The following CHRNA5 variants were observed in gnomAD, a reference collection of about 807,000 sequenced individuals.
The protein encoded by CHRNA5 is neuronal acetylcholine receptor subunit alpha-5.
Under a neutral mutation model 41.2 loss-of-function variants are expected in CHRNA5, and 28 were observed. That is an observed-to-expected ratio of 0.68 (90% CI 0.50 to 0.93). The LOEUF (loss-of-function observed/expected upper bound fraction) is 0.93. CHRNA5 is among the 40% of genes least tolerant of loss of function. The pLI is 0.00. For synonymous variants in CHRNA5, 188 were observed against 205.8 expected (o/e 0.91, Z 0.74); for missense variants, 481 against 581.9 (o/e 0.83, Z 1.78).
chr15:78,572,820 G>C (rs560195965), intron 1 of CHRNA5, among the ~76,000 whole-genome samples: 1 of 152,276 alleles, frequency 6.6e-6, no homozygotes, highest in East Asian at 1.9e-4. Context: ...GCAGAACTTA[G>C]AGGAAAACAT....
intron 5 of CHRNA5, 166 bp from the exon 6 acceptor site, chr15:78,592,926 T>C: frequency 1.5e-6 from 1 of 647,976 alleles, no homozygotes; most frequent in Non-Finnish European, 2.5e-6. Flanking sequence ...ATAGTAGACC[T>C]TCAGGCTAGT....
exon 5 of CHRNA5, chr15:78,589,830 A>G (rs1371109938): frequency 6.3e-7 from 1 of 1,597,664 alleles, no homozygotes; most frequent in African/African-American, 1.3e-5. Flanking sequence ...TGAAGGGACC[A>G]GTACGAAAAC....
chr15:78,581,593 A>G (rs902886046), intron 2 of CHRNA5, among the ~76,000 whole-genome samples: 4 of 152,290 alleles, frequency 2.6e-5, no homozygotes, highest in Middle Eastern at 6.8e-3. Context: ...ATATTTATAT[A>G]TATGTATGTT....
chr15:78,590,592 C>T lies in CHRNA5; in HGVS notation c.1201C>T (p.Arg401Cys), dbSNP rs76766434. Residue 401 changes from arginine to cysteine, a missense_variant, in exon 5 of 6, where the codon CGC becomes TGC. Coordinates refer to ENST00000299565, the Ensembl canonical transcript of CHRNA5. ...ATTGGAAGCTGCGCTCGATTCTATT[C>T]GCTACATTACAAGACACATCATGAA... 132 of 1,614,048 alleles carry T rather than the reference C, an allele frequency of 8.2e-5. No homozygotes were observed. In the African/African-American group the frequency reaches 1.3e-3, roughly 16 times the overall value.
chr15:78,581,971 T>G (rs1425186927), intron 2 of CHRNA5, among the ~76,000 whole-genome samples: 4 of 152,212 alleles, frequency 2.6e-5, no homozygotes, highest in Admixed American at 2.6e-4. Context: ...CAATTTTTCT[T>G]ATTATAATTA....
rs71148540 is a variant in CHRNA5, at chr15:78,570,424, A to ATTTTTTTTTTTTTTTTTTTTTT, written c.106+4603_106+4624dup. Reference sequence around the variant, plus strand: ...CAGGCATGTGCCACCAATCCCGGCTATTTTTTTTTTTTTTTTTTTTTTTTT... The same window carrying ATTTTTTTTTTTTTTTTTTTTTT: ...CAGGCATGTGCCACCAATCCCGGCTATTTTTTTTTTTTTTTTTTTTTTTTTTTTTTTTTTTTTTTTTTTTTTT... On this transcript the variant is annotated intron_variant, in intron 1 of 5. Transcript: ENST00000299565. Among the ~76,000 whole-genome samples the ATTTTTTTTTTTTTTTTTTTTTT allele has an allele frequency of 3.9e-4, 25 of 64,170 alleles. 5 individuals are homozygous for ATTTTTTTTTTTTTTTTTTTTTT. The East Asian group carries it at 5.6e-3, about 14-fold the overall frequency. The allele number at this position is 64,170 out of a possible 152,430, so 42.1% of individuals were successfully genotyped here.
At chr15:78,593,351 G>A (rs2141427434) in exon 6 of CHRNA5, 1 of 1,256,438 alleles carries the variant, frequency 8.0e-7, no homozygotes, top group South Asian at 1.8e-5. Context: ...TAAATTTAGT[G>A]CAAGCTTTAA....
chr15:78,593,140 C>A, exon 6 of CHRNA5: 1 of 1,613,668 alleles, frequency 6.2e-7, no homozygotes, highest in South Asian at 1.1e-5. Flanking sequence ...TCGGATGTTT[C>A]TGTGGACTTT....
At chr15:78,573,105 C>T (rs1437276617) in intron 1 of CHRNA5, among the ~76,000 whole-genome samples, 2 of 152,178 alleles carry the variant, frequency 1.3e-5, no homozygotes, top group Admixed American at 6.5e-5. Flanking sequence ...CAGTTTTGCT[C>T]CCCCTCACCA....
Position 78,588,609 on chromosome 15 carries a change from T to C in CHRNA5, c.413+186T>C, listed in dbSNP as rs571599378. ...AAACAGAGGCTTAGGGTGGTTGTTCTTTTCCAAGATCACAGAGCTAGCACA... is the reference window on the plus strand; with the variant it reads ...AAACAGAGGCTTAGGGTGGTTGTTCCTTTCCAAGATCACAGAGCTAGCACA... On this transcript the variant is annotated intron_variant, in intron 4 of 5. Transcript: ENST00000299565. This position sits in a 1 kb window ranked among gnomAD's most constrained non-coding sequence, Gnocchi z 4.1. Among the ~76,000 whole-genome samples the C allele has an allele frequency of 3.3e-4, 50 of 152,320 alleles. No individual in the cohort carries two copies. The highest frequency in any genetic ancestry group is 1.2e-3 in the African/African-American group (48 of 41,574).
chr15:78,568,124 T>A (rs933351392), intron 1 of CHRNA5, among the ~76,000 whole-genome samples: 1 of 152,240 alleles, frequency 6.6e-6, no homozygotes, highest in Non-Finnish European at 1.5e-5. Context: ...CATATTCGTC[T>A]TAGGTTCTTA....
exon 6 of CHRNA5, chr15:78,593,456 T>A (rs201239275): frequency 6.2e-5 from 26 of 421,732 alleles, no homozygotes; most frequent in African/African-American, 4.3e-4. Flanking sequence ...ATACATTTGA[T>A]CTTGTAAAAA....
At chr15:78,573,963 A>ATTTTTTTTTTTTTTTT (rs979485573) in intron 1 of CHRNA5, among the ~76,000 whole-genome samples, 41 of 102,068 alleles carry the variant, frequency 4.0e-4, no homozygotes, top group Non-Finnish European at 6.9e-4. Context: ...CGCCTGGCTA[A>ATTTTTTTTTTTTTTTT]TTTTTTTTTT....
exon 5 of CHRNA5, chr15:78,590,058 G>A (rs200252306): frequency 3.1e-6 from 5 of 1,614,088 alleles, no homozygotes; most frequent in Non-Finnish European, 4.2e-6. Flanking sequence ...GATTGTGAGT[G>A]CAACAGGGAG....
At chr15:78,567,959 T>G (rs1217681272) in intron 1 of CHRNA5, among the ~76,000 whole-genome samples, 1 of 152,258 alleles carries the variant, frequency 6.6e-6, no homozygotes, top group African/African-American at 2.4e-5. Flanking sequence ...GACCTGCCAC[T>G]CGCTGTCTGT....
intron 1 of CHRNA5, among the ~76,000 whole-genome samples, chr15:78,576,172 A>T (rs890809704): frequency 6.6e-6 from 1 of 151,914 alleles, no homozygotes; most frequent in Non-Finnish European, 1.5e-5. Flanking sequence ...TTTGAGTTAG[A>T]GTCTCTCTCT....
intron 1 of CHRNA5, among the ~76,000 whole-genome samples, chr15:78,573,502 AAGC>A: frequency 6.6e-6 from 1 of 152,364 alleles, no homozygotes; most frequent in South Asian, 2.1e-4. Context: ...TTGGCACAGT[AAGC>A]AGCTAGTTGG....
At chr15:78,568,953 CTCA>C (rs376341158) in intron 1 of CHRNA5, among the ~76,000 whole-genome samples, 14 of 141,844 alleles carry the variant, frequency 9.9e-5, no homozygotes, top group African/African-American at 3.4e-4. Context: ...TTTTTTTCTT[CTCA>C]TCTTTAGTCA....
At chr15:78,590,685 A>G in intron 5 of CHRNA5, 49 bp downstream of exon 5, 1 of 1,493,636 alleles carries the variant, frequency 6.7e-7, no homozygotes, top group Admixed American at 2.0e-5. Context: ...TTTTAAGTTC[A>G]GAAGTTACTT....
Sources: gnomAD v4.1 joint callset for allele counts (sites outside exome capture counted in the v4.1 genomes callset) on GRCh38, gnomAD v4.1.1 for gene constraint, Gnocchi (gnomAD v3.1) non-coding constraint, MANE v1.5 for transcripts, NCBI Gene and HGNC (gene_info 2026-07-23, HGNC 2026-07-21) for gene names.